WNT5B: variants seen among roughly 807,000 people sequenced by gnomAD.
WNT5B encodes protein Wnt-5b.
WNT5B carries 18 observed loss-of-function variants against 36.5 expected under a neutral mutation model. The ratio of observed to expected loss-of-function variants is 0.49; its 90% CI spans 0.34 to 0.73. The LOEUF is 0.73. WNT5B is among the 30% of genes least tolerant of loss of function. The pLI is 0.01. For synonymous variants in WNT5B, 213 were observed against 212.3 expected (o/e 1.00, Z -0.03); for missense variants, 424 against 508.4 (o/e 0.83, Z 1.60).
intron 2 of WNT5B, among the ~76,000 whole-genome samples, chr12:1,631,696 A>T (rs1353489451): frequency 6.6e-6 from 1 of 152,098 alleles, no homozygotes; most frequent in Admixed American, 6.5e-5. Context: ...ACCTTCCCTC[A>T]TGCCCATGAA....
chr12:1,630,539 TC>T lies in WNT5B; in HGVS notation c.-57-755del, dbSNP rs942835521. ...GAGCTGCCGCCTGGCGTCGGCAGTG[TC>T]CCCGGTGCAGCTGCTGGGCAAGGTA... On this transcript the variant is annotated intron_variant, in intron 1 of 4. Transcript: ENST00000397196. The surrounding 1 kb of genome is among the most constrained non-coding windows in gnomAD (Gnocchi z 5.3). 6.6e-6 allele frequency among the ~76,000 whole-genome samples: 1 copy of T among 151,958 alleles called. No homozygotes were observed. Among genetic ancestry groups the T allele is most frequent in the Non-Finnish European group, 1.5e-5 (1 of 67,960 alleles).
chr12:1,639,634 C>T, intron 3 of WNT5B, 50 bp from the exon 4 acceptor site: 12 of 1,444,220 alleles, frequency 8.3e-6, no homozygotes, highest in Non-Finnish European at 9.9e-6. Flanking sequence ...AAGGACAGGT[C>T]CCCGGGAGAG....
chr12:1,641,097 A>G (rs963500662), intron 4 of WNT5B, among the ~76,000 whole-genome samples: 1 of 152,158 alleles, frequency 6.6e-6, no homozygotes, highest in African/African-American at 2.4e-5. Context: ...CAAAAATGAG[A>G]ATGGTGGCCG....
chr12:1,644,347 C>T lies in WNT5B; in HGVS notation c.622-1447C>T, dbSNP rs903183624. On this transcript the variant is annotated intron_variant, in intron 4 of 4. Coordinates refer to ENST00000397196, the MANE Select transcript of WNT5B (RefSeq NM_032642.3). The surrounding 1 kb of genome is among the most constrained non-coding windows in gnomAD (Gnocchi z 5.1). ...TCTGCTCTAAGCCAGCTTTAAGCCC[C>T]GAGATTGGAGTGGATAAGTGCTTGT... 1.3e-5 allele frequency among the ~76,000 whole-genome samples: 2 copies of T among 152,072 alleles called. No individual in the cohort carries two copies. Among genetic ancestry groups the T allele is most frequent in the Non-Finnish European group, 2.9e-5 (2 of 68,012 alleles).
Position 1,631,308 on chromosome 12 carries a change from T to C in WNT5B, c.-47T>C. ...TTCTGTTTTCTCCAGGGAACCCTAC[T>C]CTGGAAACTGTCAGTCCCAGGGCAC... On this transcript the variant is annotated 5_prime_UTR_variant, in exon 2 of 5. Transcript: ENST00000397196. 1.2e-6 allele frequency: 2 copies of C among 1,610,172 alleles called. No homozygotes were observed. The highest frequency in any genetic ancestry group is 1.7e-4 in the Middle Eastern group (1 of 6,040).
intron 3 of WNT5B, among the ~76,000 whole-genome samples, chr12:1,639,190 T>C (rs1268122745): frequency 1.3e-5 from 2 of 150,718 alleles, no homozygotes; most frequent in Non-Finnish European, 1.5e-5. Context: ...CAGGCTGGAG[T>C]GCAGTGGCGC....
upstream of WNT5B, among the ~76,000 whole-genome samples, chr12:1,626,569 A>ATT (rs1161632450): frequency 3.2e-4 from 37 of 116,984 alleles, 2 homozygotes; most frequent in African/African-American, 1.1e-3. Flanking sequence ...GGCCAAGTGT[A>ATT]TTTTTTTTTT....
intron 3 of WNT5B, among the ~76,000 whole-genome samples, chr12:1,638,605 T>G (rs2094566749): frequency 6.6e-6 from 1 of 152,142 alleles, no homozygotes; most frequent in Non-Finnish European, 1.5e-5. Context: ...AGAACATACA[T>G]TATATGAATG....
chr12:1,623,187 G>GTTTT (rs771500550), intron 1 of WNT5B, among the ~76,000 whole-genome samples: 4,727 of 58,278 alleles, frequency 0.081, 1,196 homozygotes, highest in Non-Finnish European at 0.11. Context: ...GTTTTTTGTT[G>GTTTT]TTTTTTTTTT....
At position 1,630,113 on chromosome 12, in the gene WNT5B, A is replaced by G. The variant is rs1177643568; in HGVS notation, c.-58+742A>G. On this transcript the variant is annotated intron_variant, in intron 1 of 4. Coordinates refer to ENST00000397196, the MANE Select transcript of WNT5B (RefSeq NM_032642.3). The surrounding 1 kb of genome is among the most constrained non-coding windows in gnomAD (Gnocchi z 5.3). ...CTCTCCTGGCGGCCCCAGGACAAAA[A>G]TACTTCCCGGGCTGATGACCCGAAG... The G allele has an allele frequency of 1.0e-6, 1 of 985,084 alleles. No homozygotes were observed. The highest frequency in any genetic ancestry group is 1.2e-6 in the Non-Finnish European group (1 of 829,872). The allele number at this position is 985,084 out of a possible 1,614,324, so 61.0% of individuals were successfully genotyped here. A position where few individuals can be genotyped will look rare whatever the true frequency, so the allele number is the denominator to read the frequency against.
At chr12:1,638,903 G>C (rs534319176) in intron 3 of WNT5B, among the ~76,000 whole-genome samples, 1 of 152,348 alleles carries the variant, frequency 6.6e-6, no homozygotes, top group South Asian at 2.1e-4. Context: ...GCAGCTCATA[G>C]AGCGTGAGAA....
rs766316888 is a variant in WNT5B at position 1,631,450 on chromosome 12, T to C, written c.80+16T>C. The C allele has an allele frequency of 3.0e-5, 49 of 1,613,884 alleles. No homozygotes were observed. Among genetic ancestry groups the C allele is most frequent in the Non-Finnish European group, 4.2e-5 (49 of 1,180,006 alleles). ...ACTCCTGGTGGTGAGTAAGAGGGGC[T>C]GAGGTCCTGCCTGCACAGCCGGAGG... On this transcript the variant is annotated intron_variant, in intron 2 of 4. Coordinates refer to ENST00000397196, the MANE Select transcript of WNT5B (RefSeq NM_032642.3).
intron 4 of WNT5B, among the ~76,000 whole-genome samples, chr12:1,643,554 CG>C (rs1382095351): frequency 1.3e-5 from 2 of 151,840 alleles, no homozygotes; most frequent in African/African-American, 4.8e-5. Context: ...TTAGTAGAGA[CG>C]GGGTTTCTCC....
upstream of WNT5B, among the ~76,000 whole-genome samples, chr12:1,627,532 CTTTTTGGTCTCTT>C (rs2094542896): frequency 6.6e-6 from 1 of 152,160 alleles, no homozygotes; most frequent in Non-Finnish European, 1.5e-5. The surrounding 1 kb of genome is among the most constrained non-coding windows in gnomAD (Gnocchi z 5.0). Flanking sequence ...CCCGGTCTCT[CTTTTTGGTCTCTT>C]AACTCTAGGC....
rs554368021 is a variant in WNT5B at position 1,633,522 on chromosome 12, C to T, written c.328+617C>T. Among the ~76,000 whole-genome samples the T allele has an allele frequency of 4.6e-5, 7 of 152,290 alleles. No homozygotes were observed. In the South Asian group the frequency reaches 1.5e-3, roughly 32 times the overall value. On this transcript the variant is annotated intron_variant, in intron 3 of 4. Transcript: ENST00000397196. The surrounding 1 kb of genome is among the most constrained non-coding windows in gnomAD (Gnocchi z 4.8). ...CTTCTGGATTCCTGTCCCTTCCCCT[C>T]TCCCACTGCTGGCCAAGGATTCTTG...
chr12:1,619,767 G>A (rs1166957843), intron 1 of WNT5B, among the ~76,000 whole-genome samples: 4 of 152,086 alleles, frequency 2.6e-5, no homozygotes, highest in South Asian at 2.1e-4. Flanking sequence ...TTCATGTGCC[G>A]TTGATCCAGG....
In WNT5B at chr12:1,639,711, C is replaced by A. The variant is rs759186540; in HGVS notation, c.356C>A (p.Ala119Glu). The A allele has an allele frequency of 1.9e-6, 3 of 1,582,808 alleles. No individual in the cohort carries two copies. Among genetic ancestry groups the A allele is most frequent in the Non-Finnish European group, 2.6e-6 (3 of 1,168,012 alleles). ...AGCCGAGAGACCGCCTTCACCCACG[C>A]GGTGAGCGCCGCGGGCGTGGTCAAC... The part of the protein sequence containing the change: ...IGSRETAFTH[A>E]VSAAGVVNAI... The change falls in exon 4 of 5, where the codon GCG (alanine) becomes GAG (glutamate). Residue 119 changes from alanine to glutamate, a missense_variant. By Grantham distance (107) the Ala-to-Glu change is moderately radical. Transcript: ENST00000397196.
chr12:1,646,684 C>T lies in WNT5B; in HGVS notation c.*432C>T, dbSNP rs1364885957. The T allele has an allele frequency of 1.9e-5, 3 of 153,942 alleles. No homozygotes were observed. Among genetic ancestry groups the T allele is most frequent in the South Asian group, 4.0e-4 (2 of 4,978 alleles). 9.5% of individuals were successfully genotyped at this position (153,942 alleles called of 1,614,324 possible). A position where few individuals can be genotyped will look rare whatever the true frequency, so the allele number is the denominator to read the frequency against. On this transcript the variant is annotated 3_prime_UTR_variant, in exon 5 of 5. Coordinates refer to ENST00000397196, the MANE Select transcript of WNT5B (RefSeq NM_032642.3). Reference sequence around the variant, plus strand: ...GGTGGCGGGAACTCAGCTTCAACCTCGATGTCTTCAGGGTCTTGTCCAGAA... The same window carrying T: ...GGTGGCGGGAACTCAGCTTCAACCTTGATGTCTTCAGGGTCTTGTCCAGAA...
intron 1 of WNT5B, among the ~76,000 whole-genome samples, chr12:1,617,553 A>T (rs150703621): frequency 5.2e-4 from 79 of 152,122 alleles, no homozygotes; most frequent in African/African-American, 1.9e-3. Context: ...TCACCTGACC[A>T]CAGAGAGATC....
Sources: allele counts gnomAD v4.1 joint callset (sites outside exome capture counted in the v4.1 genomes callset), GRCh38; gene constraint gnomAD v4.1.1; non-coding constraint Gnocchi (gnomAD v3.1); transcripts MANE v1.5; gene names NCBI Gene and HGNC (gene_info 2026-07-23, HGNC 2026-07-21).